ZNF609: variants seen among roughly 807,000 people sequenced by gnomAD.
The protein encoded by ZNF609 is zinc finger protein 609.
A neutral mutation model predicts 109.5 loss-of-function variants in ZNF609; 11 were observed. That is an observed-to-expected ratio of 0.10 (90% CI 0.06 to 0.17). The LOEUF (loss-of-function observed/expected upper bound fraction) is 0.17, where lower values mean the gene tolerates loss of function less well. Ranked by LOEUF, ZNF609 falls within the 10% of genes least tolerant of loss-of-function variation. The pLI, the probability that ZNF609 is intolerant of heterozygous loss-of-function variation, is 1.00. For missense variants in ZNF609, 1,559 were observed against 1,772.4 expected (o/e 0.88, Z 2.16); for synonymous variants, 646 against 662.0 (o/e 0.98, Z 0.37).
chr15:64,537,255 T>A (rs1183430853), intron 2 of ZNF609, among the ~76,000 whole-genome samples: 1 of 150,990 alleles, frequency 6.6e-6, no homozygotes, highest in East Asian at 2.0e-4. Flanking sequence ...CCCAGCACTT[T>A]GGGAGGCCGA....
intron 2 of ZNF609, among the ~76,000 whole-genome samples, chr15:64,524,498 A>G (rs1893941170): frequency 6.8e-6 from 1 of 147,646 alleles, no homozygotes; most frequent in African/African-American, 2.5e-5. Context: ...CGGGAGGTGG[A>G]GGTTGCAATG....
chr15:64,469,051 A>AAAC (rs1555413466), intron 1 of ZNF609, among the ~76,000 whole-genome samples: 1 of 135,588 alleles, frequency 7.4e-6, no homozygotes, highest in Non-Finnish European at 1.7e-5. Context: ...AAAAAAAAAA[A>AAAC]AAAAACAACA....
At chr15:64,613,562 A>G (rs1432518388) in intron 2 of ZNF609, among the ~76,000 whole-genome samples, 7 of 152,060 alleles carry the variant, frequency 4.6e-5, no homozygotes, top group Admixed American at 3.9e-4. Context: ...TTATTTATTT[A>G]TTTTTTGAGA....
intron 2 of ZNF609, among the ~76,000 whole-genome samples, chr15:64,566,556 G>A (rs1424219675): frequency 6.6e-6 from 1 of 152,184 alleles, no homozygotes; most frequent in African/African-American, 2.4e-5. Context: ...CCAAGAGCTA[G>A]ACATTCTAGC....
chr15:64,676,597 AT>A (rs200892845), intron 5 of ZNF609, among the ~76,000 whole-genome samples: 1 of 147,094 alleles, frequency 6.8e-6, no homozygotes, highest in African/African-American at 2.5e-5. Context: ...TGCCCAGCTA[AT>A]TTTTTTTGTA....
At chr15:64,655,592 C>G (rs1186741632) in intron 3 of ZNF609, among the ~76,000 whole-genome samples, 1 of 151,624 alleles carries the variant, frequency 6.6e-6, no homozygotes, top group African/African-American at 2.4e-5. Flanking sequence ...TTTGGGAGGC[C>G]AAGGCGGGTG....
intron 3 of ZNF609, among the ~76,000 whole-genome samples, chr15:64,632,766 CTGT>C (rs1228089763): frequency 2.6e-5 from 4 of 151,950 alleles, no homozygotes; most frequent in Non-Finnish European, 4.4e-5. Flanking sequence ...CCATGCCTGG[CTGT>C]TGTTGTTTTT....
chr15:64,668,000 T>A (rs956423782), intron 3 of ZNF609, among the ~76,000 whole-genome samples: 3 of 152,190 alleles, frequency 2.0e-5, no homozygotes, highest in Non-Finnish European at 4.4e-5. Flanking sequence ...GCCTCCTGAT[T>A]CATTATTAGA....
intron 3 of ZNF609, among the ~76,000 whole-genome samples, chr15:64,656,327 G>A (rs1896487004): frequency 6.6e-6 from 1 of 152,132 alleles, no homozygotes; most frequent in South Asian, 2.1e-4. Context: ...GCCTTCCAAT[G>A]TGCGGGATTA....
At chr15:64,630,098 CTTT>C (rs773124227) in intron 3 of ZNF609, among the ~76,000 whole-genome samples, 1 of 136,892 alleles carries the variant, frequency 7.3e-6, no homozygotes. Context: ...TTTCTTTTTT[CTTT>C]TTTTTTTTTT....
intron 2 of ZNF609, among the ~76,000 whole-genome samples, chr15:64,563,214 C>T (rs1293073066): frequency 1.3e-5 from 2 of 151,550 alleles, no homozygotes; most frequent in African/African-American, 4.9e-5. Flanking sequence ...CTTTGGGAGG[C>T]CAAGGTAGGA....
chr15:64,578,178 A>ACTGT, intron 2 of ZNF609, among the ~76,000 whole-genome samples: 1 of 151,208 alleles, frequency 6.6e-6, no homozygotes, highest in East Asian at 1.9e-4. Context: ...ACAGTCTTGC[A>ACTGT]CTGTCGCCCA....
chr15:64,648,876 G>A (rs533008234), intron 3 of ZNF609, among the ~76,000 whole-genome samples: 71 of 152,074 alleles, frequency 4.7e-4, no homozygotes, highest in African/African-American at 1.6e-3. Context: ...GGATTATATT[G>A]GAGTCTGAAT....
intron 2 of ZNF609, among the ~76,000 whole-genome samples, chr15:64,569,851 TCTTTTCTGAGTTAA>T (rs1304436621): frequency 3.1e-4 from 47 of 152,346 alleles, no homozygotes; most frequent in Middle Eastern, 3.4e-3. Context: ...TTCTGTAGTG[TCTTTTCTGAGTTAA>T]AAAGCAAATG....
At chr15:64,600,727 G>A (rs1895484500) in intron 2 of ZNF609, among the ~76,000 whole-genome samples, 1 of 149,752 alleles carries the variant, frequency 6.7e-6, no homozygotes, top group Non-Finnish European at 1.5e-5. Context: ...GGGAAAGAAA[G>A]AAAAAAAAGA....
intron 2 of ZNF609, among the ~76,000 whole-genome samples, chr15:64,505,063 T>A (rs1358322274): frequency 6.6e-6 from 1 of 152,232 alleles, no homozygotes; most frequent in African/African-American, 2.4e-5. Flanking sequence ...TCACAGTGAC[T>A]TTAACATTGT....
chr15:64,669,573 A>G (rs1399482155), intron 3 of ZNF609, among the ~76,000 whole-genome samples: 1 of 152,180 alleles, frequency 6.6e-6, no homozygotes, highest in African/African-American at 2.4e-5. Flanking sequence ...ATTTTATATT[A>G]GGGTTTGTTG....
chr15:64,559,455 A>G (rs1360552666), intron 2 of ZNF609, among the ~76,000 whole-genome samples: 1 of 152,200 alleles, frequency 6.6e-6, no homozygotes. Flanking sequence ...TTGGTAGCCA[A>G]GTTGGAATCT....
intron 2 of ZNF609, among the ~76,000 whole-genome samples, chr15:64,610,601 T>C (rs1244339380): frequency 6.6e-6 from 1 of 152,134 alleles, no homozygotes; most frequent in Non-Finnish European, 1.5e-5. Context: ...TGAGCAATGA[T>C]TGCGCCACTG....
Sources: allele counts gnomAD v4.1 joint callset (sites outside exome capture counted in the v4.1 genomes callset), GRCh38; gene constraint gnomAD v4.1.1; transcripts MANE v1.5; gene names NCBI Gene and HGNC (gene_info 2026-07-23, HGNC 2026-07-21).